Variants in CCNB3 observed in about 807,000 individuals in gnomAD.
CCNB3 encodes the protein G2/mitotic-specific cyclin-B3.
Under a neutral mutation model 68.0 loss-of-function variants are expected in CCNB3, and 12 were observed. The ratio of observed to expected loss-of-function variants is 0.18; its 90% CI spans 0.11 to 0.29. CCNB3 has a LOEUF of 0.29. Ranked by LOEUF, CCNB3 falls within the 10% of genes least tolerant of loss-of-function variation. The pLI is 1.00. For synonymous variants in CCNB3, 354 were observed against 388.9 expected (o/e 0.91, Z 1.06); for missense variants, 904 against 993.1 (o/e 0.91, Z 1.21).
chrX:50,346,559 A>AATCCTTC (rs1246560252), intron 9 of CCNB3, 93 bp from the exon 10 acceptor site: 1 of 901,128 alleles, frequency 1.1e-6, no homozygotes, highest in Non-Finnish European at 1.5e-6. Flanking sequence ...TATGCCAGGA[A>AATCCTTC]ATCCTTCACC....
intron 1 of CCNB3, among the ~76,000 whole-genome samples, chrX:50,227,286 A>G (rs1252728028): frequency 1.2e-5 from 1 of 85,171 alleles, no homozygotes; most frequent in Non-Finnish European, 2.1e-5. Context: ...ATATATAAAT[A>G]CATGTACAGA....
intron 8 of CCNB3, among the ~76,000 whole-genome samples, chrX:50,331,299 C>T (rs1180249170): frequency 9.0e-6 from 1 of 110,933 alleles, no homozygotes; most frequent in Non-Finnish European, 1.9e-5. Flanking sequence ...GGGCGCCGTC[C>T]AGTCCCGGTG....
chrX:50,211,695 G>A (rs1465504032), intron 1 of CCNB3, among the ~76,000 whole-genome samples: 1 of 111,183 alleles, frequency 9.0e-6, no homozygotes, highest in African/African-American at 3.3e-5. Flanking sequence ...ATGAATCGGG[G>A]TAATGACTTC....
chrX:50,351,418 G>A (rs1557221153), intron 12 of CCNB3, 47 bp downstream of exon 12: 1 of 1,192,317 alleles, frequency 8.4e-7, no homozygotes, highest in African/African-American at 1.8e-5. Context: ...TCATTTATTG[G>A]GAGGCTTTAA....
At chrX:50,288,089 C>T (rs1602202149) in intron 3 of CCNB3, among the ~76,000 whole-genome samples, 1 of 106,902 alleles carries the variant, frequency 9.4e-6, no homozygotes, top group East Asian at 2.9e-4. Flanking sequence ...AAGCTCAGGG[C>T]TCCCACTGAT....
In CCNB3 at chrX:50,285,111, C is replaced by T. The variant is rs1050161717; in HGVS notation, c.-37-16C>T. 14 of 917,709 alleles carry T rather than the reference C, an allele frequency of 1.5e-5. No individual in the cohort carries two copies. The highest frequency in any genetic ancestry group is 6.2e-5 in the East Asian group (2 of 32,389). 75.6% of individuals were successfully genotyped at this position (917,709 alleles called of 1,213,427 possible). On this transcript the variant is annotated splice_polypyrimidine_tract_variant and intron_variant, in intron 2 of 12. Coordinates refer to ENST00000376042, the MANE Select transcript of CCNB3 (RefSeq NM_033031.3). ...TTTCTGGTGAATGGTGTTAAAGAGC[C>T]TCTTTCTGATTACAGCCCTGCCTTG...
Position 50,294,849 on chromosome X carries a change from C to CTT in CCNB3, c.205-6_205-5dup. Reference sequence around the variant, plus strand: ...CTTCTTCCCCTGCCCCCCAACCCACCTTTTTTTTTGCAGGCTTCTCAATGT... The same window carrying CTT: ...CTTCTTCCCCTGCCCCCCAACCCACCTTTTTTTTTTTGCAGGCTTCTCAATGT... On this transcript the variant is annotated splice_polypyrimidine_tract_variant and intron_variant, in intron 4 of 12. Coordinates refer to ENST00000376042, the MANE Select transcript of CCNB3 (RefSeq NM_033031.3). The CTT allele has an allele frequency of 1.7e-6, 2 of 1,154,320 alleles. No homozygotes were observed. The highest frequency in any genetic ancestry group is 2.3e-6 in the Non-Finnish European group (2 of 860,644).
intron 5 of CCNB3, among the ~76,000 whole-genome samples, chrX:50,298,366 C>G (rs1936529675): frequency 9.0e-6 from 1 of 111,382 alleles, no homozygotes; most frequent in African/African-American, 3.3e-5. Context: ...TGTCAAAGGC[C>G]TTTTCTGCAT....
intron 9 of CCNB3, among the ~76,000 whole-genome samples, chrX:50,345,599 A>G (rs1318052202): frequency 9.1e-6 from 1 of 110,197 alleles, no homozygotes; most frequent in Non-Finnish European, 1.9e-5. Flanking sequence ...AAATCCTGGG[A>G]GTTGGAGCAC....
intron 8 of CCNB3, among the ~76,000 whole-genome samples, chrX:50,340,151 A>G (rs549750124): frequency 1.2e-4 from 14 of 112,177 alleles, no homozygotes; most frequent in African/African-American, 4.5e-4. Context: ...ATGAAAATAC[A>G]CATCAATTTC....
chrX:50,334,057 C>T (rs781817549), intron 8 of CCNB3, among the ~76,000 whole-genome samples: 13 of 112,406 alleles, frequency 1.2e-4, no homozygotes, highest in Middle Eastern at 4.6e-3. Context: ...TTCTAGAGCC[C>T]GAGTTAAAGC....
At position 50,294,915 on chromosome X, in the gene CCNB3, T is replaced by C. The variant is rs1282002037; in HGVS notation, c.257T>C (p.Val86Ala). 3 of 1,208,097 alleles carry C rather than the reference T, an allele frequency of 2.5e-6. No homozygotes were observed. The African/African-American group carries it at 5.3e-5, about 21-fold the overall frequency. The change falls in exon 5 of 13, where the codon GTA becomes GCA. Residue 86 changes from valine to alanine, a missense_variant. Around this residue, in one of 2 missense-constraint regions of CCNB3, gnomAD observed 619 missense variants for 609.8 expected, o/e 1.02. Coordinates refer to ENST00000376042, the MANE Select transcript of CCNB3 (RefSeq NM_033031.3). ...AAGAAAGAAGCCAATAAAGAGTTTG[T>C]AAAAGTTGTTTCCAAGAAGATAAAC... ...QPKKEANKEF[V>A]KVVSKKINRN...
At chrX:50,226,161 T>C (rs1308011148) in intron 1 of CCNB3, among the ~76,000 whole-genome samples, 5 of 73,891 alleles carry the variant, frequency 6.8e-5, no homozygotes, top group Non-Finnish European at 1.2e-4. Flanking sequence ...TATATGAATA[T>C]ATATCGAATA....
intron 1 of CCNB3, among the ~76,000 whole-genome samples, chrX:50,222,612 TA>T (rs1935689966): frequency 8.9e-6 from 1 of 111,954 alleles, no homozygotes; most frequent in Admixed American, 9.5e-5. Flanking sequence ...TCTTCTGGCC[TA>T]TAGGGTTTCT....
chrX:50,305,621 G>A (rs1218122011), intron 5 of CCNB3, among the ~76,000 whole-genome samples: 5 of 109,297 alleles, frequency 4.6e-5, no homozygotes, highest in South Asian at 4.0e-4. Flanking sequence ...TCACCTGCAC[G>A]TTCTGCACAT....
chrX:50,322,324 G>T (rs1557216673), intron 8 of CCNB3, among the ~76,000 whole-genome samples: 1 of 110,925 alleles, frequency 9.0e-6, no homozygotes, highest in Admixed American at 9.6e-5. Context: ...AATGGGGAAA[G>T]GATTCCCTAT....
At position 50,309,446 on chromosome X, in the gene CCNB3, C is replaced by T. The variant is rs782756885; in HGVS notation, c.1277C>T (p.Thr426Ile). The T allele has an allele frequency of 1.7e-6, 2 of 1,211,252 alleles. No homozygotes were observed. Among genetic ancestry groups the T allele is most frequent in the South Asian group, 1.8e-5 (1 of 56,940 alleles). Reference protein sequence around the residue: ...KPLSIKEKPSTEKESFSQEPS... With the variant: ...KPLSIKEKPSIEKESFSQEPS... Reference sequence around the variant, plus strand: ...TTGTCCATTAAAGAAAAGCCATCTACTGAGAAGGAGTCCTTTTCCCAGGAA... The same window carrying T: ...TTGTCCATTAAAGAAAAGCCATCTATTGAGAAGGAGTCCTTTTCCCAGGAA... Residue 426 changes from threonine to isoleucine, a missense_variant, in exon 6 of 13, where the codon ACT becomes ATT. By Grantham distance (89) the Thr-to-Ile change is moderately conservative. This residue lies in a region of CCNB3 where 619 missense variants were observed against 609.8 expected (regional missense o/e 1.02). Transcript: ENST00000376042.
rs1263208699 is a variant in CCNB3 at position 50,280,088 on chromosome X, T to A, written c.-112-4454T>A. 2.0e-4 allele frequency among the ~76,000 whole-genome samples: 10 copies of A among 50,266 alleles called. No homozygotes were observed. The East Asian group carries it at 5.6e-3, about 28-fold the overall frequency. 43.6% of individuals were successfully genotyped at this position (50,266 alleles called of 115,157 possible). On this transcript the variant is annotated intron_variant, in intron 1 of 12. Transcript: ENST00000376042. ...GGAATATATAAATATATATATGGAA[T>A]ACATATAAATATATATATAGAATAT...
chrX:50,309,707 C>G lies in CCNB3; in HGVS notation c.1538C>G (p.Thr513Ser). Residue 513 changes from threonine to serine, a missense_variant, in exon 6 of 13, where the codon ACC becomes AGC. By Grantham distance (58) the Thr-to-Ser change is moderately conservative (BLOSUM62 1). Coordinates refer to ENST00000376042, the MANE Select transcript of CCNB3 (RefSeq NM_033031.3). ...AAGAAACCACTAATATTACAGACCA[C>G]CTCTGGAGAAAAGTCACTTATTAAG... ...HLKKPLILQT[T>S]SGEKSLIKEP... The G allele has an allele frequency of 8.3e-7, 1 of 1,209,207 alleles. No individual in the cohort carries two copies. Among genetic ancestry groups the G allele is most frequent in the East Asian group, 3.0e-5 (1 of 33,782 alleles).
Sources: allele counts gnomAD v4.1 joint callset (sites outside exome capture counted in the v4.1 genomes callset), GRCh38; gene constraint gnomAD v4.1.1; regional missense constraint gnomAD v4.1.1; transcripts MANE v1.5; gene names NCBI Gene and HGNC (gene_info 2026-07-23, HGNC 2026-07-21).